The following SLC35F4 variants were observed in gnomAD, a reference collection of about 807,000 sequenced individuals.
SLC35F4 encodes the protein solute carrier family 35 member F4.
Under a neutral mutation model 44.2 loss-of-function variants are expected in SLC35F4, and 24 were observed. The ratio of observed to expected loss-of-function variants is 0.54; its 90% CI spans 0.39 to 0.76. The LOEUF (loss-of-function observed/expected upper bound fraction) is 0.76. Among genes scored for constraint, SLC35F4 ranks in the 30% least tolerant of loss-of-function variants. The pLI, the probability that SLC35F4 is intolerant of heterozygous loss-of-function variation, is 0.00. For missense variants in SLC35F4, 562 were observed against 586.1 expected, an observed-to-expected ratio of 0.96 and a Z score of 0.42; for synonymous variants, 238 against 223.6, an observed-to-expected ratio of 1.06 and a Z score of -0.57.
intron 1 of SLC35F4, among the ~76,000 whole-genome samples, chr14:57,814,275 T>C (rs1439300608): frequency 6.6e-6 from 1 of 152,252 alleles, no homozygotes; most frequent in Admixed American, 6.5e-5. Context: ...TACCTAGGGC[T>C]AGCCCTTGAA....
chr14:57,608,433 T>A (rs2071291417), intron 1 of SLC35F4, among the ~76,000 whole-genome samples: 1 of 152,120 alleles, frequency 6.6e-6, no homozygotes, highest in Admixed American at 6.5e-5. Context: ...AAAGAATGGA[T>A]GCTTTTATCA....
intron 1 of SLC35F4, among the ~76,000 whole-genome samples, chr14:57,616,240 T>C (rs1228521631): frequency 6.6e-6 from 1 of 152,194 alleles, no homozygotes; most frequent in African/African-American, 2.4e-5. Context: ...CTTGATCCAC[T>C]TAGAGAATAT....
At chr14:57,853,247 C>T (rs1397472596) in intron 1 of SLC35F4, among the ~76,000 whole-genome samples, 2 of 152,152 alleles carry the variant, frequency 1.3e-5, no homozygotes, top group Non-Finnish European at 2.9e-5. Flanking sequence ...TGGATTTTCT[C>T]AGTTTCTAGG....
chr14:57,857,898 C>T (rs889234329), intron 1 of SLC35F4, among the ~76,000 whole-genome samples: 23 of 152,030 alleles, frequency 1.5e-4, no homozygotes, highest in African/African-American at 5.6e-4. Context: ...AGCAAAAGAG[C>T]ATGGGCACAA....
chr14:57,778,453 C>T (rs1272558707), intron 1 of SLC35F4, among the ~76,000 whole-genome samples: 1 of 151,716 alleles, frequency 6.6e-6, no homozygotes, highest in Non-Finnish European at 1.5e-5. Flanking sequence ...TATATGCGCC[C>T]AACACAGGAG....
At chr14:57,710,275 G>A (rs1405212694) in intron 1 of SLC35F4, among the ~76,000 whole-genome samples, 2 of 152,230 alleles carry the variant, frequency 1.3e-5, no homozygotes, top group African/African-American at 4.8e-5. Context: ...TGTTGAGCCT[G>A]TTCGTGCACA....
chr14:57,794,634 G>A (rs962032627), intron 1 of SLC35F4, among the ~76,000 whole-genome samples: 2 of 151,956 alleles, frequency 1.3e-5, no homozygotes, highest in Non-Finnish European at 2.9e-5. Flanking sequence ...TGGGTCTGTA[G>A]GCCCATTCTG....
chr14:57,648,794 C>G (rs981076568), intron 1 of SLC35F4, among the ~76,000 whole-genome samples: 1 of 152,184 alleles, frequency 6.6e-6, no homozygotes, highest in African/African-American at 2.4e-5. Flanking sequence ...TGTAGAATCA[C>G]TCTCTCTCAC....
chr14:57,715,490 G>T (rs1334434742), intron 1 of SLC35F4, among the ~76,000 whole-genome samples: 1 of 152,196 alleles, frequency 6.6e-6, no homozygotes, highest in African/African-American at 2.4e-5. Flanking sequence ...AGATCAAAGG[G>T]CTAGGGTGTT....
intron 1 of SLC35F4, among the ~76,000 whole-genome samples, chr14:57,635,557 C>T (rs551548095): frequency 8.6e-5 from 13 of 152,028 alleles, no homozygotes; most frequent in Non-Finnish European, 1.6e-4. Flanking sequence ...GTGAGATCAG[C>T]TAACACACAG....
chr14:57,702,803 A>G (rs7143964), intron 1 of SLC35F4, among the ~76,000 whole-genome samples: 4,429 of 152,196 alleles, frequency 0.029, 138 homozygotes, highest in African/African-American at 0.077. Context: ...TCTAATCCCC[A>G]TTTTATGGAT....
At chr14:57,675,603 G>T (rs1004824645) in intron 1 of SLC35F4, among the ~76,000 whole-genome samples, 1 of 151,940 alleles carries the variant, frequency 6.6e-6, no homozygotes, top group Non-Finnish European at 1.5e-5. Context: ...GTTCTCAGGG[G>T]CAATGCTTTC....
chr14:57,756,644 A>G (rs1230385581), intron 1 of SLC35F4, among the ~76,000 whole-genome samples: 3 of 151,698 alleles, frequency 2.0e-5, no homozygotes, highest in East Asian at 1.9e-4. Flanking sequence ...CTGACTTTTT[A>G]TCTACTTGTT....
chr14:57,741,416 C>T (rs1200600865), intron 1 of SLC35F4, among the ~76,000 whole-genome samples: 4 of 152,100 alleles, frequency 2.6e-5, no homozygotes, highest in Admixed American at 2.0e-4. Flanking sequence ...GAGCTGAAAA[C>T]CATGGCACGA....
chr14:57,612,893 A>G (rs1232537640), intron 1 of SLC35F4, among the ~76,000 whole-genome samples: 1 of 152,200 alleles, frequency 6.6e-6, no homozygotes, highest in Non-Finnish European at 1.5e-5. Flanking sequence ...ATATTCAACA[A>G]ATACTTGAGA....
intron 1 of SLC35F4, among the ~76,000 whole-genome samples, chr14:57,776,256 C>G (rs2077484466): frequency 1.3e-5 from 2 of 152,148 alleles, no homozygotes. Flanking sequence ...CTTCTCCAAC[C>G]TAGCTAGAGA....
chr14:57,842,799 C>G (rs1173561140), intron 1 of SLC35F4, among the ~76,000 whole-genome samples: 1 of 152,142 alleles, frequency 6.6e-6, no homozygotes, highest in Middle Eastern at 3.2e-3. Context: ...CTGGGTGTGT[C>G]TGTGAGGGTG....
intron 1 of SLC35F4, among the ~76,000 whole-genome samples, chr14:57,936,994 CAT>C (rs1889808502): frequency 2.0e-5 from 3 of 151,498 alleles, no homozygotes; most frequent in Non-Finnish European, 1.5e-5. Flanking sequence ...GAACTTTACA[CAT>C]GTTACATTTA....
rs943590602 is a variant in SLC35F4, at chr14:57,569,427, C to T, written c.1126+361G>A. 1.2e-4 allele frequency among the ~76,000 whole-genome samples: 19 copies of T among 152,076 alleles called. 1 individual carries two copies. The highest frequency in any genetic ancestry group is 7.9e-4 in the Admixed American group (12 of 15,258). On this transcript the variant is annotated intron_variant, in intron 6 of 7. Coordinates refer to ENST00000556826, the MANE Select transcript of SLC35F4 (RefSeq NM_001306087.2). ...ACCACTCTGAGTTCTTTGAATGCAC[C>T]GTCTACTCCCTAACCTCTGCCCAAC...
Sources: allele counts gnomAD v4.1 joint callset (sites outside exome capture counted in the v4.1 genomes callset), GRCh38; gene constraint gnomAD v4.1.1; transcripts MANE v1.5; gene names NCBI Gene and HGNC (gene_info 2026-07-23, HGNC 2026-07-21).